RABGAP1L: variants seen among roughly 807,000 people sequenced by gnomAD.
RABGAP1L encodes RAB GTPase activating protein 1 like.
Under a neutral mutation model 137.7 loss-of-function variants are expected in RABGAP1L, and 63 were observed. That is an observed-to-expected ratio of 0.46 (90% confidence interval 0.37 to 0.56). The LOEUF (loss-of-function observed/expected upper bound fraction) is 0.56, where lower values mean the gene tolerates loss of function less well. Ranked by LOEUF, RABGAP1L falls within the 20% of genes least tolerant of loss-of-function variation. RABGAP1L has a pLI of 0.00. For synonymous variants in RABGAP1L, 431 were observed against 433.7 expected (o/e 0.99, Z 0.08); for missense variants, 1,095 against 1,244.0 (o/e 0.88, Z 1.80).
chr1:174,530,853 G>A (rs1345013624), intron 13 of RABGAP1L, among the ~76,000 whole-genome samples: 2 of 151,376 alleles, frequency 1.3e-5, no homozygotes, highest in African/African-American at 2.4e-5. Flanking sequence ...GTTTGTGTAG[G>A]GAACATGCAG....
chr1:174,908,865 A>C (rs1659564602), intron 19 of RABGAP1L, among the ~76,000 whole-genome samples: 1 of 149,762 alleles, frequency 6.7e-6, no homozygotes, highest in Non-Finnish European at 1.5e-5. Flanking sequence ...TTGAACAACC[A>C]ATGGGTCAAT....
rs563401579 is a variant in RABGAP1L at position 174,418,713 on chromosome 1, T to C, written c.1710+24568T>C. ...ATGGCAGGAAAATTATACACCAACA[T>C]TTCATCATTTTAATCCTGTGTAGTG... On this transcript the variant is annotated intron_variant, in intron 13 of 25. Coordinates refer to ENST00000681986, the MANE Select transcript of RABGAP1L (RefSeq NM_001366446.1). Among the ~76,000 whole-genome samples, 12 of 152,240 alleles carry C rather than the reference T, an allele frequency of 7.9e-5. No individual in the cohort carries two copies. In the East Asian group the frequency reaches 2.3e-3, roughly 29 times the overall value.
At chr1:174,838,773 C>T (rs778185088) in intron 19 of RABGAP1L, among the ~76,000 whole-genome samples, 57 of 151,328 alleles carry the variant, frequency 3.8e-4, no homozygotes, top group Non-Finnish European at 6.3e-4. Context: ...AAAAATTAGC[C>T]GGGCTTGCTG....
In RABGAP1L at chr1:174,375,984, C is replaced by T. The variant is rs1474985434; in HGVS notation, c.1559+4912C>T. Among the ~76,000 whole-genome samples, 4 of 151,980 alleles carry T rather than the reference C, an allele frequency of 2.6e-5. No individual in the cohort carries two copies. The East Asian group carries it at 7.7e-4, about 29-fold the overall frequency. On this transcript the variant is annotated intron_variant, in intron 12 of 25. Coordinates refer to ENST00000681986, the MANE Select transcript of RABGAP1L (RefSeq NM_001366446.1). ...CCGGGAGGCTGAGGCACAAGAATTG[C>T]CTGAGCCTAGGAGGCAGAGGTTGCA...
At chr1:174,667,780 G>A (rs1676892413) in intron 14 of RABGAP1L, among the ~76,000 whole-genome samples, 1 of 152,104 alleles carries the variant, frequency 6.6e-6, no homozygotes, top group South Asian at 2.1e-4. Flanking sequence ...GAGCTTCCAT[G>A]TATCTTCTAT....
chr1:174,718,425 C>T (rs1681200013), intron 17 of RABGAP1L, among the ~76,000 whole-genome samples: 1 of 152,092 alleles, frequency 6.6e-6, no homozygotes, highest in African/African-American at 2.4e-5. Context: ...ATAAAAGACC[C>T]CCTTCTATTA....
rs757101289 is a variant in RABGAP1L at position 174,448,145 on chromosome 1, C to G, written c.1710+54000C>G. The G allele has an allele frequency of 6.2e-7, 1 of 1,613,152 alleles. No individual in the cohort carries two copies. Among genetic ancestry groups the G allele is most frequent in the East Asian group, 2.2e-5 (1 of 44,860 alleles). ...ATCCAGGTGGACTGAATGGAGGATCCTGAACATGAGCAGTGGCATTGTGAA... is the reference window on the plus strand; with the variant it reads ...ATCCAGGTGGACTGAATGGAGGATCGTGAACATGAGCAGTGGCATTGTGAA... On this transcript the variant is annotated intron_variant, in intron 13 of 25. Transcript: ENST00000681986. The surrounding 1 kb of genome is among the most constrained non-coding windows in gnomAD (Gnocchi z 4.2).
chr1:174,645,222 T>A (rs2148367845), intron 14 of RABGAP1L, among the ~76,000 whole-genome samples: 1 of 152,082 alleles, frequency 6.6e-6, no homozygotes, highest in South Asian at 2.1e-4. Flanking sequence ...TTTATAAAAT[T>A]TAGATTATGT....
intron 13 of RABGAP1L, among the ~76,000 whole-genome samples, chr1:174,613,299 T>G (rs140233140): frequency 0.11 from 16,265 of 152,218 alleles, 971 homozygotes; most frequent in East Asian, 0.22. Context: ...TATTTCTGCC[T>G]TCATTTTGTT....
intron 10 of RABGAP1L, among the ~76,000 whole-genome samples, chr1:174,284,048 T>C (rs758049396): frequency 2.0e-5 from 3 of 152,234 alleles, no homozygotes; most frequent in African/African-American, 4.8e-5. Flanking sequence ...ATATATATTG[T>C]GAAATGATTA....
intron 13 of RABGAP1L, among the ~76,000 whole-genome samples, chr1:174,464,232 G>C (rs959105794): frequency 1.3e-5 from 2 of 152,118 alleles, no homozygotes; most frequent in Non-Finnish European, 2.9e-5. Context: ...TCTGCCCAAG[G>C]ACAAATGAAT....
chr1:174,390,938 C>A (rs1472171199), intron 12 of RABGAP1L, among the ~76,000 whole-genome samples: 1 of 151,852 alleles, frequency 6.6e-6, no homozygotes, highest in Non-Finnish European at 1.5e-5. Context: ...TGCCTAGAGA[C>A]AAGAGAATGA....
intron 13 of RABGAP1L, among the ~76,000 whole-genome samples, chr1:174,451,571 C>T (rs986843756): frequency 6.6e-6 from 1 of 152,222 alleles, no homozygotes. Flanking sequence ...GGCAGAGGTT[C>T]CCGCCCATCC....
intron 19 of RABGAP1L, among the ~76,000 whole-genome samples, chr1:174,900,793 T>C (rs1196892329): frequency 1.3e-5 from 2 of 152,196 alleles, no homozygotes; most frequent in Admixed American, 1.3e-4. Context: ...GTGCTGGGGT[T>C]ACAGGTGTGA....
intron 13 of RABGAP1L, among the ~76,000 whole-genome samples, chr1:174,457,027 T>C (rs1213298164): frequency 3.9e-5 from 6 of 152,184 alleles, no homozygotes; most frequent in Non-Finnish European, 1.5e-5. Flanking sequence ...GAGTAACTCA[T>C]TGAATTGTGT....
chr1:174,435,322 TTGTC>T (rs1653131942), intron 13 of RABGAP1L, among the ~76,000 whole-genome samples: 1 of 152,210 alleles, frequency 6.6e-6, no homozygotes, highest in Non-Finnish European at 1.5e-5. Flanking sequence ...CTGTTCATCT[TTGTC>T]TATCCTTAAG....
At position 174,187,941 on chromosome 1, in the gene RABGAP1L, T is replaced by G. The variant is rs143137671; in HGVS notation, c.-34+28284T>G. On this transcript the variant is annotated intron_variant, in intron 1 of 25. Transcript: ENST00000681986. ...TTAAAACTAAACTAATATACTATAATTCTGATTGTTATGTCTTAAGATTTG... is the reference window on the plus strand; with the variant it reads ...TTAAAACTAAACTAATATACTATAAGTCTGATTGTTATGTCTTAAGATTTG... Among the ~76,000 whole-genome samples the G allele has an allele frequency of 6.8e-4, 103 of 152,272 alleles. 1 individual carries two copies. The highest frequency in any genetic ancestry group is 2.3e-3 in the African/African-American group (94 of 41,568).
intron 1 of RABGAP1L, among the ~76,000 whole-genome samples, chr1:174,161,960 T>C (rs1294257836): frequency 1.3e-5 from 2 of 152,142 alleles, no homozygotes; most frequent in African/African-American, 4.8e-5. Context: ...CTCCAACTCC[T>C]GGCCTCAGGC....
At chr1:174,773,666 G>A (rs1042898577) in intron 18 of RABGAP1L, among the ~76,000 whole-genome samples, 1 of 152,198 alleles carries the variant, frequency 6.6e-6, no homozygotes, top group Non-Finnish European at 1.5e-5. Context: ...ATTGAATTTA[G>A]GCTAATGAAA....
Sources: gnomAD v4.1 joint callset for allele counts (sites outside exome capture counted in the v4.1 genomes callset) on GRCh38, gnomAD v4.1.1 for gene constraint, Gnocchi (gnomAD v3.1) non-coding constraint, MANE v1.5 for transcripts, NCBI Gene and HGNC (gene_info 2026-07-23, HGNC 2026-07-21) for gene names.